CNBD1: variants seen among roughly 807,000 people sequenced by gnomAD.
CNBD1 encodes the protein cyclic nucleotide binding domain containing 1.
CNBD1 carries 71 observed loss-of-function variants against 54.4 expected under a neutral mutation model. The ratio of observed to expected loss-of-function variants is 1.30; its 90% CI spans 1.08 to 1.59. The LOEUF (loss-of-function observed/expected upper bound fraction) is 1.59, where lower values mean the gene tolerates loss of function less well. Among genes scored for constraint, CNBD1 ranks in the 40% most tolerant of loss-of-function variants. CNBD1 has a pLI of 0.00. For missense variants in CNBD1, 659 were observed against 518.0 expected (o/e 1.27, Z -2.64); for synonymous variants, 182 against 170.7 (o/e 1.07, Z -0.51).
intron 10 of CNBD1, among the ~76,000 whole-genome samples, chr8:87,362,459 G>T (rs529375473): frequency 6.6e-6 from 1 of 152,050 alleles, no homozygotes; most frequent in Admixed American, 6.6e-5. Context: ...AAAAAATTTA[G>T]CAAGGGAGTT....
chr8:86,970,672 G>C (rs1182923693), intron 4 of CNBD1, among the ~76,000 whole-genome samples: 2 of 151,848 alleles, frequency 1.3e-5, no homozygotes, highest in Admixed American at 1.3e-4. Flanking sequence ...TGTATGTAGT[G>C]TTTAGCTTCC....
chr8:87,338,423 G>C (rs1352863862), intron 8 of CNBD1, among the ~76,000 whole-genome samples: 1 of 151,982 alleles, frequency 6.6e-6, no homozygotes, highest in African/African-American at 2.4e-5. Flanking sequence ...ACTTTTGAAG[G>C]ATAATTTTTC....
At chr8:86,967,176 G>A (rs533806507) in intron 4 of CNBD1, among the ~76,000 whole-genome samples, 39 of 152,306 alleles carry the variant, frequency 2.6e-4, no homozygotes, top group African/African-American at 9.1e-4. Context: ...GAAAAAGTGC[G>A]TGTGGGGGGT....
chr8:86,938,766 A>G (rs1417253504), intron 3 of CNBD1, among the ~76,000 whole-genome samples: 1 of 152,232 alleles, frequency 6.6e-6, no homozygotes, highest in Non-Finnish European at 1.5e-5. Flanking sequence ...AAACCATATC[A>G]CATGGTTAGT....
chr8:86,889,015 A>C (rs1808726488), intron 2 of CNBD1, among the ~76,000 whole-genome samples: 1 of 152,128 alleles, frequency 6.6e-6, no homozygotes, highest in Non-Finnish European at 1.5e-5. Flanking sequence ...CAATTATCTC[A>C]TTCAGGTCCA....
intron 2 of CNBD1, among the ~76,000 whole-genome samples, chr8:87,421,540 C>T (rs1270398952): frequency 2.0e-5 from 3 of 150,426 alleles, no homozygotes; most frequent in African/African-American, 7.4e-5. Context: ...GTTTTTTGTT[C>T]TTGCGATAGT....
chr8:87,057,002 AG>A (rs1810429186), intron 4 of CNBD1, among the ~76,000 whole-genome samples: 2 of 152,202 alleles, frequency 1.3e-5, no homozygotes, highest in Non-Finnish European at 2.9e-5. Context: ...TCCAACCAAA[AG>A]AGTGTGGCAA....
Position 87,366,359 on chromosome 8 carries a change from G to T in CNBD1, c.1303+12573G>T, listed in dbSNP as rs533449121. The stretch of plus-strand genomic sequence containing the variant: ...GAACTGAAATTCCTGTTTTCTTGCG[G>T]TTTTTACCTGAGGGTCACTCTCAGC... On this transcript the variant is annotated intron_variant, in intron 10 of 10. Transcript: ENST00000518476. Among the ~76,000 whole-genome samples the T allele has an allele frequency of 2.6e-5, 4 of 152,080 alleles. No individual in the cohort carries two copies. The South Asian group carries it at 8.3e-4, about 32-fold the overall frequency.
intron 4 of CNBD1, among the ~76,000 whole-genome samples, chr8:86,942,231 A>G (rs1369058400): frequency 6.6e-6 from 1 of 152,206 alleles, no homozygotes. Flanking sequence ...TGTTTGTTCT[A>G]TAGCACATGC....
intron 2 of CNBD1, among the ~76,000 whole-genome samples, chr8:87,424,807 G>C (rs1056497850): frequency 5.3e-5 from 8 of 152,064 alleles, no homozygotes; most frequent in South Asian, 2.1e-4. Flanking sequence ...TCTTGGAGTT[G>C]CTCTTCTCCA....
Position 87,302,578 on chromosome 8 carries a change from G to A in CNBD1, c.1042+15907G>A, listed in dbSNP as rs540105455. Among the ~76,000 whole-genome samples, 73 of 152,012 alleles carry A rather than the reference G, an allele frequency of 4.8e-4. 1 individual carries two copies. The highest frequency in any genetic ancestry group is 6.8e-3 in the Middle Eastern group (2 of 294). On this transcript the variant is annotated intron_variant, in intron 8 of 10. Transcript: ENST00000518476. ...GCATTCCCTTTGAAAACTGGCACAA[G>A]ACAGGGATGCCCTCTCTCACCACTC... is the stretch of plus-strand genomic sequence containing the variant.
intron 2 of CNBD1, among the ~76,000 whole-genome samples, chr8:87,409,980 G>A (rs1420213978): frequency 6.6e-6 from 1 of 151,742 alleles, no homozygotes; most frequent in Admixed American, 6.6e-5. Flanking sequence ...CCGAGATAGT[G>A]CCACTGCACT....
At chr8:87,154,688 C>A (rs1419535127) in intron 4 of CNBD1, among the ~76,000 whole-genome samples, 3 of 152,126 alleles carry the variant, frequency 2.0e-5, no homozygotes, top group Non-Finnish European at 4.4e-5. Context: ...CTACTGTCTT[C>A]TTTTAGTTTA....
intron 2 of CNBD1, among the ~76,000 whole-genome samples, chr8:86,891,770 T>C (rs1244629029): frequency 3.3e-5 from 5 of 152,070 alleles, no homozygotes; most frequent in Non-Finnish European, 1.5e-5. Flanking sequence ...TGTTTCAGTA[T>C]ACAGATCTTT....
intron 5 of CNBD1, among the ~76,000 whole-genome samples, chr8:87,226,752 A>T (rs1395195680): frequency 6.6e-6 from 1 of 151,910 alleles, no homozygotes; most frequent in African/African-American, 2.4e-5. Context: ...GATGTCTATT[A>T]GGTCCGCTTG....
At chr8:87,333,036 C>T (rs1809869146) in intron 8 of CNBD1, among the ~76,000 whole-genome samples, 1 of 152,084 alleles carries the variant, frequency 6.6e-6, no homozygotes, top group Non-Finnish European at 1.5e-5. Context: ...TTTGTGATCT[C>T]TCTTATTTCC....
chr8:86,998,782 G>A (rs565314557), intron 4 of CNBD1, among the ~76,000 whole-genome samples: 2 of 152,290 alleles, frequency 1.3e-5, no homozygotes, highest in East Asian at 3.9e-4. Flanking sequence ...AGATCAACCA[G>A]ATCAACCAGT....
At chr8:87,278,271 C>T (rs1808524593) in intron 6 of CNBD1, among the ~76,000 whole-genome samples, 1 of 151,460 alleles carries the variant, frequency 6.6e-6, no homozygotes, top group African/African-American at 2.4e-5. Context: ...AATATTTAGT[C>T]CTGCCTGAAG....
intron 5 of CNBD1, among the ~76,000 whole-genome samples, chr8:87,236,504 A>G (rs1586353271): frequency 6.6e-6 from 1 of 152,100 alleles, no homozygotes; most frequent in East Asian, 1.9e-4. Flanking sequence ...AATTAAGGGT[A>G]GGTATATATT....
Sources: allele counts gnomAD v4.1 joint callset (sites outside exome capture counted in the v4.1 genomes callset), GRCh38; gene constraint gnomAD v4.1.1; transcripts MANE v1.5; gene names NCBI Gene and HGNC (gene_info 2026-07-23, HGNC 2026-07-21).